The following ALDH1A1 variants were observed in gnomAD, a reference collection of about 807,000 sequenced individuals.
ALDH1A1 encodes the protein aldehyde dehydrogenase 1A1.
ALDH1A1 carries 19 observed loss-of-function variants against 62.1 expected under a neutral mutation model. That is an observed-to-expected ratio of 0.31 (90% CI 0.21 to 0.45). The LOEUF (loss-of-function observed/expected upper bound fraction) is 0.45. Among genes scored for constraint, ALDH1A1 ranks in the 20% least tolerant of loss-of-function variants. The pLI is 1.00. For synonymous variants in ALDH1A1, 231 were observed against 215.9 expected (o/e 1.07, Z -0.61); for missense variants, 521 against 607.1 (o/e 0.86, Z 1.49).
At chr9:72,950,369 A>C (rs535280299) in intron 1 of ALDH1A1, among the ~76,000 whole-genome samples, 1 of 151,884 alleles carries the variant, frequency 6.6e-6, no homozygotes, top group Non-Finnish European at 1.5e-5. Flanking sequence ...GTTCATTTAG[A>C]GTTGGAAAGA....
chr9:72,921,255 A>G (rs990283649), intron 7 of ALDH1A1, among the ~76,000 whole-genome samples: 9 of 151,900 alleles, frequency 5.9e-5, no homozygotes, highest in Admixed American at 3.3e-4. Context: ...AAAAAAAAAA[A>G]AAAAAATTCT....
At chr9:72,915,702 C>T (rs1397276365) in intron 9 of ALDH1A1, among the ~76,000 whole-genome samples, 1 of 152,138 alleles carries the variant, frequency 6.6e-6, no homozygotes, top group Non-Finnish European at 1.5e-5. Context: ...TAAGATTTTC[C>T]TACTTGGATG....
At chr9:72,908,804 A>G (rs543471256) in intron 11 of ALDH1A1, among the ~76,000 whole-genome samples, 1 of 152,258 alleles carries the variant, frequency 6.6e-6, no homozygotes, top group South Asian at 2.1e-4. Context: ...CACAGACTTC[A>G]TGTTTATATC....
intron 7 of ALDH1A1, among the ~76,000 whole-genome samples, chr9:72,922,470 G>C (rs930162275): frequency 6.6e-6 from 1 of 152,176 alleles, no homozygotes; most frequent in East Asian, 1.9e-4. Flanking sequence ...TCCTGGTCCA[G>C]ATGACCTGGA....
Position 72,927,021 on chromosome 9 carries a change from C to T in ALDH1A1, c.504+95G>A, listed in dbSNP as rs1286553428. 9 of 904,364 alleles carry T rather than the reference C, an allele frequency of 1.0e-5. No homozygotes were observed. The South Asian group carries it at 1.5e-4, about 15-fold the overall frequency. The allele number at this position is 904,364 out of a possible 1,614,324, so 56.0% of individuals were successfully genotyped here. A position where few individuals can be genotyped will look rare whatever the true frequency, so the allele number is the denominator to read the frequency against. On this transcript the variant is annotated intron_variant, in intron 5 of 12. Coordinates refer to ENST00000297785, the MANE Select transcript of ALDH1A1 (RefSeq NM_000689.5). ...ACATTTACTCCACATTTAACAAATA[C>T]ATAAGCATCCATCTGTTTTAGAGAA... is the stretch of plus-strand genomic sequence containing the variant.
intron 9 of ALDH1A1, among the ~76,000 whole-genome samples, chr9:72,913,499 C>G (rs1221023720): frequency 6.6e-6 from 1 of 152,114 alleles, no homozygotes; most frequent in Non-Finnish European, 1.5e-5. Context: ...CCATGTCACT[C>G]CACATAAAGC....
At position 72,908,994 on chromosome 9, in the gene ALDH1A1, C is replaced by T. The variant is rs138250584; in HGVS notation, c.1358+608G>A. On this transcript the variant is annotated intron_variant, in intron 11 of 12. Transcript: ENST00000297785. ...GTACCAAGTAAATATTGTTCTTACT[C>T]TTTTACCTCCCTGTATACAGCATAG... 6.4e-3 allele frequency among the ~76,000 whole-genome samples: 974 copies of T among 152,148 alleles called. 8 individuals are homozygous for T. The highest frequency in any genetic ancestry group is 0.022 in the African/African-American group (929 of 41,498).
intron 2 of ALDH1A1, among the ~76,000 whole-genome samples, chr9:72,938,837 G>A (rs1311664857): frequency 6.6e-6 from 1 of 151,714 alleles, no homozygotes; most frequent in Admixed American, 6.6e-5. Flanking sequence ...CTGACCCCCG[G>A]GTTCAAGCAA....
intron 12 of ALDH1A1, among the ~76,000 whole-genome samples, chr9:72,902,202 C>A (rs1265714453): frequency 6.6e-6 from 1 of 152,008 alleles, no homozygotes; most frequent in Non-Finnish European, 1.5e-5. Context: ...GTTTTAGAAA[C>A]TGACTGATTT....
rs8187975 is a variant in ALDH1A1 at position 72,911,471 on chromosome 9, A to T, written c.1200+487T>A. ...AGCTCTCTTGAACTTACTCCTCCTA[A>T]TTGAAAGTTTGAATCCTTTGACCAA... is the stretch of plus-strand genomic sequence containing the variant. On this transcript the variant is annotated intron_variant, in intron 10 of 12. Coordinates refer to ENST00000297785, the MANE Select transcript of ALDH1A1 (RefSeq NM_000689.5). Among the ~76,000 whole-genome samples, 890 of 152,192 alleles carry T rather than the reference A, an allele frequency of 5.8e-3. 12 individuals are homozygous for T. Among genetic ancestry groups the T allele is most frequent in the African/African-American group, 0.02 (835 of 41,530 alleles).
At chr9:72,935,055 G>T (rs1020181479) in intron 2 of ALDH1A1, among the ~76,000 whole-genome samples, 1 of 152,058 alleles carries the variant, frequency 6.6e-6, no homozygotes, top group African/African-American at 2.4e-5. Context: ...ATGTTGTACT[G>T]ATTTTATATA....
rs1193579514 is a variant in ALDH1A1, at chr9:72,929,025, A to G, written c.313-4T>C. Reference sequence around the variant, plus strand: ...CACCATTCATTGACTCCATTGTCTGAAAAACATGTCAAACACCAAATCTAA... The same window carrying G: ...CACCATTCATTGACTCCATTGTCTGGAAAACATGTCAAACACCAAATCTAA... On this transcript the variant is annotated splice_region_variant and splice_polypyrimidine_tract_variant and intron_variant, in intron 3 of 12. Coordinates refer to ENST00000297785, the MANE Select transcript of ALDH1A1 (RefSeq NM_000689.5). The G allele has an allele frequency of 1.9e-6, 3 of 1,607,670 alleles. No individual in the cohort carries two copies. Among genetic ancestry groups the G allele is most frequent in the South Asian group, 2.2e-5 (2 of 89,864 alleles).
At chr9:72,939,611 G>A (rs992441554) in intron 2 of ALDH1A1, among the ~76,000 whole-genome samples, 18 of 150,030 alleles carry the variant, frequency 1.2e-4, no homozygotes, top group African/African-American at 4.4e-4. Context: ...TCTGCCTCAC[G>A]GGCTAAAGCA....
chr9:72,929,877 A>C (rs1830258862), intron 3 of ALDH1A1, among the ~76,000 whole-genome samples: 1 of 152,218 alleles, frequency 6.6e-6, no homozygotes, highest in African/African-American at 2.4e-5. Flanking sequence ...AAATCAGATA[A>C]TTGAGAAAAG....
rs186415305 is a variant in ALDH1A1 at position 72,944,288 on chromosome 9, G to A, written c.67-4036C>T. 9.5e-4 allele frequency among the ~76,000 whole-genome samples: 145 copies of A among 152,222 alleles called. No homozygotes were observed. The Middle Eastern group carries it at 0.014, about 14-fold the overall frequency. On this transcript the variant is annotated intron_variant, in intron 1 of 12. Transcript: ENST00000297785. ...TAAGGTCACAGGCTTTTGAAGGAGAGTGATGTAACAGTGCAGTCTACAAAT... is the reference window on the plus strand; with the variant it reads ...TAAGGTCACAGGCTTTTGAAGGAGAATGATGTAACAGTGCAGTCTACAAAT...
intron 1 of ALDH1A1, among the ~76,000 whole-genome samples, chr9:72,944,267 G>A (rs531587068): frequency 1.3e-5 from 2 of 152,052 alleles, no homozygotes; most frequent in Non-Finnish European, 2.9e-5. Context: ...CTATCATAAG[G>A]TCACAGGCTT....
chr9:72,906,117 C>T, intron 11 of ALDH1A1, 85 bp from the exon 12 acceptor site: 1 of 957,474 alleles, frequency 1.0e-6, no homozygotes, highest in South Asian at 1.6e-5. Flanking sequence ...ATTTGGAAAG[C>T]TCCTTACAAA....
chr9:72,908,563 GAAAGAAAGAAAGA>G (rs1564622586), intron 11 of ALDH1A1, among the ~76,000 whole-genome samples: 13 of 18,938 alleles, frequency 6.9e-4, no homozygotes, highest in Admixed American at 1.4e-3. Context: ...AAGAAAGAAA[GAAAGAAAGAAAGA>G]AAGAAAGAAA....
At chr9:72,905,205 A>C (rs1829863228) in intron 12 of ALDH1A1, among the ~76,000 whole-genome samples, 1 of 152,150 alleles carries the variant, frequency 6.6e-6, no homozygotes, top group African/African-American at 2.4e-5. Flanking sequence ...AATACATGTA[A>C]AAAAGTTTTA....
Sources: allele counts gnomAD v4.1 joint callset (sites outside exome capture counted in the v4.1 genomes callset), GRCh38; gene constraint gnomAD v4.1.1; transcripts MANE v1.5; gene names NCBI Gene and HGNC (gene_info 2026-07-23, HGNC 2026-07-21).